Variants in ACVR1 observed in about 807,000 individuals in gnomAD.
ACVR1 encodes the protein activin A receptor type 1, also known as activin receptor type-1.
Under a neutral mutation model 57.1 loss-of-function variants are expected in ACVR1, and 38 were observed. The observed-to-expected ratio is 0.67, with a 90% confidence interval of 0.51 to 0.87. The LOEUF (loss-of-function observed/expected upper bound fraction) is 0.87, where lower values mean the gene tolerates loss of function less well. Ranked by LOEUF, ACVR1 falls within the 40% of genes least tolerant of loss-of-function variation. ACVR1 has a pLI of 0.00. For missense variants in ACVR1, 463 were observed against 638.2 expected, an observed-to-expected ratio of 0.73 and a Z score of 2.96; for synonymous variants, 212 against 228.1, an observed-to-expected ratio of 0.93 and a Z score of 0.63.
chr2:157,795,426 A>G (rs1021493695), intron 3 of ACVR1, among the ~76,000 whole-genome samples: 25 of 141,094 alleles, frequency 1.8e-4, no homozygotes, highest in Middle Eastern at 7.4e-3. Flanking sequence ...ACACACACAC[A>G]CAAACACAAT....
intron 3 of ACVR1, among the ~76,000 whole-genome samples, chr2:157,792,242 T>G (rs72999432): frequency 1.3e-5 from 2 of 152,192 alleles, no homozygotes; most frequent in South Asian, 4.1e-4. Context: ...ACATCCCATA[T>G]ACATATTCTC....
At chr2:157,757,806 A>C in intron 9 of ACVR1, among the ~76,000 whole-genome samples, 1 of 151,920 alleles carries the variant, frequency 6.6e-6, no homozygotes, top group Non-Finnish European at 1.5e-5. Flanking sequence ...TGAAAGCATA[A>C]AACACTGGTA....
chr2:157,779,439 A>G (rs1390270408), intron 4 of ACVR1, among the ~76,000 whole-genome samples: 2 of 152,206 alleles, frequency 1.3e-5, no homozygotes, highest in Admixed American at 1.3e-4. Flanking sequence ...CATATGCCTT[A>G]AAGTCATCAC....
intron 9 of ACVR1, among the ~76,000 whole-genome samples, chr2:157,742,998 G>C (rs1030995979): frequency 6.6e-6 from 1 of 152,050 alleles, no homozygotes; most frequent in Admixed American, 6.6e-5. Flanking sequence ...GTCCATGGGA[G>C]CCCACTCCCT....
Position 157,736,866 on chromosome 2 carries a change from C to G in ACVR1, c.*665G>C. 1 of 327,042 alleles carries G rather than the reference C, an allele frequency of 3.1e-6. No individual in the cohort carries two copies. The highest frequency in any genetic ancestry group is 5.6e-6 in the Non-Finnish European group (1 of 177,798). 20.3% of individuals were successfully genotyped at this position (327,042 alleles called of 1,614,324 possible). ...GCACAAAGCAGTTTTGTAAAAACTA[C>G]TAAGTGCACAAGTAATAAATAATTT... On this transcript the variant is annotated 3_prime_UTR_variant, in exon 11 of 11. Coordinates refer to ENST00000434821, the MANE Select transcript of ACVR1 (RefSeq NM_001111067.4).
At chr2:157,815,930 G>A (rs1574100833) in intron 2 of ACVR1, among the ~76,000 whole-genome samples, 1 of 152,086 alleles carries the variant, frequency 6.6e-6, no homozygotes, top group East Asian at 1.9e-4. Flanking sequence ...AAGGTCTCCC[G>A]CCTACCCCCT....
intron 9 of ACVR1, among the ~76,000 whole-genome samples, chr2:157,741,096 G>A (rs1202687520): frequency 6.6e-6 from 1 of 152,130 alleles, no homozygotes; most frequent in Non-Finnish European, 1.5e-5. Context: ...ACATGCTCTT[G>A]TTTTCCAAGG....
intron 5 of ACVR1, among the ~76,000 whole-genome samples, chr2:157,776,003 A>G (rs919008448): frequency 3.9e-5 from 6 of 152,198 alleles, no homozygotes; most frequent in African/African-American, 1.4e-4. Flanking sequence ...GACTGCAGGC[A>G]TGAGCCACCA....
At chr2:157,815,262 A>G (rs1687891922) in intron 2 of ACVR1, among the ~76,000 whole-genome samples, 2 of 152,126 alleles carry the variant, frequency 1.3e-5, no homozygotes. Flanking sequence ...CTCTGAAATC[A>G]CTGAAAGAAT....
chr2:157,867,241 C>G (rs1008459287), intron 1 of ACVR1, among the ~76,000 whole-genome samples: 2 of 152,194 alleles, frequency 1.3e-5, no homozygotes, highest in South Asian at 2.1e-4. Context: ...ATTCACCAAG[C>G]CCTATGGCTT....
chr2:157,786,689 A>G (rs1356061506), intron 3 of ACVR1, among the ~76,000 whole-genome samples: 1 of 152,220 alleles, frequency 6.6e-6, no homozygotes, highest in East Asian at 1.9e-4. Context: ...TATTTAATAC[A>G]TTAATAGAAC....
At chr2:157,776,559 T>G (rs2105275426) in intron 5 of ACVR1, among the ~76,000 whole-genome samples, 1 of 152,302 alleles carries the variant, frequency 6.6e-6, no homozygotes, top group Middle Eastern at 3.4e-3. Flanking sequence ...GTTTAAACAG[T>G]AGGTAAATGG....
intron 9 of ACVR1, among the ~76,000 whole-genome samples, chr2:157,760,587 C>A (rs1429314449): frequency 1.3e-5 from 2 of 152,114 alleles, no homozygotes; most frequent in African/African-American, 4.8e-5. Flanking sequence ...TATTACGTAT[C>A]AATTTTAAAA....
rs555013608 is a variant in ACVR1, at chr2:157,800,098, G to T, written c.-7-598C>A. 4.6e-5 allele frequency among the ~76,000 whole-genome samples: 7 copies of T among 152,214 alleles called. No individual in the cohort carries two copies. In the South Asian group the frequency reaches 1.5e-3, roughly 32 times the overall value. On this transcript the variant is annotated intron_variant, in intron 2 of 10. Coordinates refer to ENST00000434821, the MANE Select transcript of ACVR1 (RefSeq NM_001111067.4). The stretch of plus-strand genomic sequence containing the variant: ...TTTCTGCATTAAACAAATTTAACAA[G>T]GATAGACAACAACTAAAATCATGTA...
At chr2:157,834,074 G>A (rs1418413938) in intron 1 of ACVR1, among the ~76,000 whole-genome samples, 1 of 152,162 alleles carries the variant, frequency 6.6e-6, no homozygotes, top group Non-Finnish European at 1.5e-5. Flanking sequence ...TCACATACAT[G>A]TCTAGAAGCT....
Position 157,863,336 on chromosome 2 carries a change from C to CTTTTTTTTTTTTT in ACVR1, c.-183+12447_-183+12459dup, listed in dbSNP as rs1161335923. On this transcript the variant is annotated intron_variant, in intron 1 of 10. Coordinates refer to ENST00000434821, the MANE Select transcript of ACVR1 (RefSeq NM_001111067.4). Reference sequence around the variant, plus strand: ...CCTATAGAACAGTTAAATTGTTTCTCTTTTTTTTTTTTTTTTTTTTTTTTT... The same window carrying CTTTTTTTTTTTTT: ...CCTATAGAACAGTTAAATTGTTTCTCTTTTTTTTTTTTTTTTTTTTTTTTTTTTTTTTTTTTTT... Among the ~76,000 whole-genome samples, 19 of 35,686 alleles carry CTTTTTTTTTTTTT rather than the reference C, an allele frequency of 5.3e-4. 4 individuals are homozygous for CTTTTTTTTTTTTT. Among genetic ancestry groups the CTTTTTTTTTTTTT allele is most frequent in the Admixed American group, 1.2e-3 (2 of 1,668 alleles). 23.4% of individuals were successfully genotyped at this position (35,686 alleles called of 152,430 possible).
intron 1 of ACVR1, among the ~76,000 whole-genome samples, chr2:157,826,023 C>T (rs1227658325): frequency 2.6e-5 from 4 of 152,216 alleles, no homozygotes; most frequent in African/African-American, 9.7e-5. Context: ...CGTGTTGTAA[C>T]TGTTGCCTGG....
intron 1 of ACVR1, among the ~76,000 whole-genome samples, chr2:157,846,598 A>G (rs1689133534): frequency 6.6e-6 from 1 of 152,206 alleles, no homozygotes. Flanking sequence ...AAGGAATCAG[A>G]GAGAATCTAC....
chr2:157,785,077 C>A (rs539172156), intron 3 of ACVR1, among the ~76,000 whole-genome samples: 50 of 152,316 alleles, frequency 3.3e-4, no homozygotes, highest in Admixed American at 2.1e-3. Context: ...ACATTTCCCA[C>A]TAATGTCTTT....
Sources: gnomAD v4.1 joint callset for allele counts (sites outside exome capture counted in the v4.1 genomes callset) on GRCh38, gnomAD v4.1.1 for gene constraint, MANE v1.5 for transcripts, NCBI Gene and HGNC (gene_info 2026-07-23, HGNC 2026-07-21) for gene names.